SUPT3H: variants seen among roughly 807,000 people sequenced by gnomAD.
SUPT3H encodes the protein SPT3 homolog, SAGA and STAGA complex component, also known as transcription initiation protein SPT3 homolog.
Under a neutral mutation model 44.3 loss-of-function variants are expected in SUPT3H, and 44 were observed. That is an observed-to-expected ratio of 0.99 (90% CI 0.78 to 1.28). SUPT3H has a LOEUF of 1.28. Among genes scored for constraint, SUPT3H ranks in the 50% most tolerant of loss-of-function variants. SUPT3H has a pLI of 0.00. For missense variants in SUPT3H, 380 were observed against 387.1 expected, an observed-to-expected ratio of 0.98 and a Z score of 0.15; for synonymous variants, 124 against 125.6, an observed-to-expected ratio of 0.99 and a Z score of 0.09.
At chr6:45,160,308 C>T (rs978732953) in intron 2 of SUPT3H, among the ~76,000 whole-genome samples, 4 of 152,238 alleles carry the variant, frequency 2.6e-5, no homozygotes, top group Admixed American at 2.0e-4. Flanking sequence ...ACAAAAAGAT[C>T]TACAGCAAGT....
intron 2 of SUPT3H, among the ~76,000 whole-genome samples, chr6:45,106,512 C>T (rs1267080031): frequency 3.3e-5 from 5 of 152,048 alleles, no homozygotes; most frequent in African/African-American, 7.2e-5. Context: ...GTTATCTATG[C>T]TATTTCTGGA....
chr6:45,343,228 A>G (rs921330314), intron 2 of SUPT3H, among the ~76,000 whole-genome samples: 2 of 152,116 alleles, frequency 1.3e-5, no homozygotes, highest in East Asian at 1.9e-4. Context: ...GCAGAATCTC[A>G]GCCGGGTGCA....
At chr6:45,359,379 A>G (rs1272486116) in intron 2 of SUPT3H, among the ~76,000 whole-genome samples, 1 of 152,168 alleles carries the variant, frequency 6.6e-6, no homozygotes, top group African/African-American at 2.4e-5. Context: ...TTACATTACA[A>G]TTTGAAAATA....
At chr6:45,203,625 T>C (rs9463076) in intron 2 of SUPT3H, among the ~76,000 whole-genome samples, 88,464 of 151,968 alleles carry the variant, frequency 0.58, 26,668 homozygotes, top group African/African-American at 0.74. Flanking sequence ...ACCAATACTG[T>C]CAAAATAATG....
Position 44,917,060 on chromosome 6 carries a change from G to A in SUPT3H, c.912+15593C>T, listed in dbSNP as rs544519708. ...TCCCAGCTATTTGGGAGGCTGAGGC[G>A]GGAGGATTGTTTGAGCCTGGGAGGT... On this transcript the variant is annotated intron_variant, in intron 10 of 10. Transcript: ENST00000371459. Among the ~76,000 whole-genome samples the A allele has an allele frequency of 5.3e-5, 8 of 152,170 alleles. No homozygotes were observed. The East Asian group carries it at 1.4e-3, about 26-fold the overall frequency.
intron 6 of SUPT3H, among the ~76,000 whole-genome samples, chr6:44,965,980 G>A (rs1309002824): frequency 6.6e-6 from 1 of 152,038 alleles, no homozygotes; most frequent in African/African-American, 2.4e-5. Flanking sequence ...CGTGTTGACC[G>A]GCCTAAGACC....
At chr6:45,163,387 ATCT>A (rs1562584105) in intron 2 of SUPT3H, among the ~76,000 whole-genome samples, 2 of 152,288 alleles carry the variant, frequency 1.3e-5, no homozygotes, top group South Asian at 2.1e-4. Flanking sequence ...AGTTAAAATA[ATCT>A]TCTATCTAAT....
chr6:44,812,659 G>A (rs978932049), intron 11 of SUPT3H, among the ~76,000 whole-genome samples: 2 of 152,198 alleles, frequency 1.3e-5, no homozygotes, highest in African/African-American at 4.8e-5. Flanking sequence ...AAAAAATCCA[G>A]TGTGGCCAGG....
chr6:45,039,639 G>A (rs912289653), intron 3 of SUPT3H, among the ~76,000 whole-genome samples: 7 of 151,972 alleles, frequency 4.6e-5, no homozygotes, highest in African/African-American at 1.7e-4. Flanking sequence ...ATTTAGCTGG[G>A]CGTGGTGTTG....
chr6:44,906,033 G>C (rs1004223318), intron 10 of SUPT3H, among the ~76,000 whole-genome samples: 3 of 152,140 alleles, frequency 2.0e-5, no homozygotes, highest in Admixed American at 6.5e-5. Flanking sequence ...TGTGCGGTGG[G>C]GGGATGGGGA....
intron 3 of SUPT3H, among the ~76,000 whole-genome samples, chr6:45,024,798 C>T (rs1785707901): frequency 6.6e-6 from 1 of 152,002 alleles, no homozygotes; most frequent in South Asian, 2.1e-4. Context: ...GTGGGTGGGC[C>T]CCATCCAATC....
chr6:45,159,280 T>C (rs1485397281), intron 2 of SUPT3H: 2 of 152,120 alleles, frequency 1.3e-5, no homozygotes, highest in Non-Finnish European at 2.9e-5. Context: ...TCTACAGAGG[T>C]GAAAGATTGT....
intron 10 of SUPT3H, among the ~76,000 whole-genome samples, chr6:44,893,467 C>T (rs961416095): frequency 6.6e-5 from 10 of 151,336 alleles, no homozygotes; most frequent in South Asian, 6.3e-4. Context: ...TACGAATATG[C>T]GGTGTTTGGT....
chr6:45,078,539 C>G (rs758368099), intron 3 of SUPT3H, among the ~76,000 whole-genome samples: 7 of 152,250 alleles, frequency 4.6e-5, no homozygotes, highest in Middle Eastern at 3.4e-3. Context: ...TACAATGATT[C>G]TCACCTTTTT....
At chr6:45,099,826 T>A (rs749667677) in intron 3 of SUPT3H, among the ~76,000 whole-genome samples, 1 of 152,132 alleles carries the variant, frequency 6.6e-6, no homozygotes, top group Non-Finnish European at 1.5e-5. Context: ...ATGACCTCAT[T>A]TACACTTTTG....
At chr6:44,953,449 C>A (rs1464396419) in intron 8 of SUPT3H, 32 bp from the exon 9 acceptor site, 1 of 1,568,436 alleles carries the variant, frequency 6.4e-7, no homozygotes, top group Non-Finnish European at 8.8e-7. Flanking sequence ...AGTCACATAG[C>A]TAGAAATAAT....
chr6:45,293,152 G>T (rs567831147), intron 2 of SUPT3H, among the ~76,000 whole-genome samples: 4 of 151,998 alleles, frequency 2.6e-5, no homozygotes, highest in African/African-American at 9.7e-5. Context: ...AAACCACAGT[G>T]GGATAAAACT....
chr6:44,911,745 G>C (rs551775183), intron 10 of SUPT3H, among the ~76,000 whole-genome samples: 4 of 152,226 alleles, frequency 2.6e-5, no homozygotes, highest in Admixed American at 2.6e-4. Flanking sequence ...CCAGTGTAAG[G>C]GTAATACGAA....
intron 2 of SUPT3H, among the ~76,000 whole-genome samples, chr6:45,315,580 C>T (rs1165805817): frequency 2.0e-5 from 3 of 152,094 alleles, no homozygotes; most frequent in Non-Finnish European, 2.9e-5. Flanking sequence ...CAATGCGATA[C>T]CACCTTACTC....
Sources: allele counts gnomAD v4.1 joint callset (sites outside exome capture counted in the v4.1 genomes callset), GRCh38; gene constraint gnomAD v4.1.1; transcripts MANE v1.5; gene names NCBI Gene and HGNC (gene_info 2026-07-23, HGNC 2026-07-21).